The following MTF2 variants were observed in gnomAD, a reference collection of about 807,000 sequenced individuals.
The protein encoded by MTF2 is metal-response element-binding transcription factor 2.
A neutral mutation model predicts 79.5 loss-of-function variants in MTF2; 11 were observed. That is an observed-to-expected ratio of 0.14 (90% CI 0.09 to 0.23). The LOEUF is 0.23. MTF2 is among the 10% of genes least tolerant of loss of function. The probability of loss-of-function intolerance (pLI) is 1.00; values close to 1 mark genes in which losing one functional copy is unlikely to be tolerated. For missense variants in MTF2, 486 were observed against 711.2 expected, an observed-to-expected ratio of 0.68 and a Z score of 3.60; for synonymous variants, 208 against 232.8, an observed-to-expected ratio of 0.89 and a Z score of 0.97.
At chr1:93,086,333 GTC>G (rs1421164288) in intron 1 of MTF2, among the ~76,000 whole-genome samples, 2 of 151,912 alleles carry the variant, frequency 1.3e-5, no homozygotes, top group Admixed American at 1.3e-4. Flanking sequence ...GTGAAACCCT[GTC>G]TCTACTAAAA....
At position 93,120,588 on chromosome 1, in the gene MTF2, T is replaced by A. The variant is rs749352317; in HGVS notation, c.837T>A (p.Val279=). The A allele has an allele frequency of 1.2e-6, 2 of 1,607,902 alleles. No individual in the cohort carries two copies. Among genetic ancestry groups the A allele is most frequent in the Non-Finnish European group, 8.5e-7 (1 of 1,176,916 alleles). ...IAHLCLYNLS[V]IHKKKYFDSE... is the part of the protein sequence containing the mutation. ...ACCTATGCCTTTACAACCTAAGTGT[T>A]ATTCATAAGAAGAAATACTTTGATT... Residue 279 remains valine (V), a synonymous_variant, in exon 9 of 15, where the codon GTT becomes GTA. Transcript: ENST00000370298.
intron 1 of MTF2, among the ~76,000 whole-genome samples, chr1:93,088,708 G>A (rs1181035628): frequency 6.6e-6 from 1 of 152,102 alleles, no homozygotes; most frequent in Non-Finnish European, 1.5e-5. Context: ...TGGGATTACA[G>A]CTGTGTGCCA....
At chr1:93,123,831 T>A (rs1467182996) in intron 9 of MTF2, among the ~76,000 whole-genome samples, 11 of 150,322 alleles carry the variant, frequency 7.3e-5, no homozygotes, top group African/African-American at 1.5e-4. Flanking sequence ...TTTTTTTTTT[T>A]AAGAGCAGAT....
intron 1 of MTF2, among the ~76,000 whole-genome samples, chr1:93,105,024 G>C (rs890149040): frequency 6.6e-6 from 1 of 151,108 alleles, no homozygotes; most frequent in African/African-American, 2.4e-5. Flanking sequence ...GGCGCCTGTA[G>C]TCCCAGCTAC....
intron 1 of MTF2, among the ~76,000 whole-genome samples, chr1:93,089,407 C>T (rs1028241584): frequency 3.3e-5 from 5 of 152,102 alleles, no homozygotes; most frequent in African/African-American, 1.2e-4. Flanking sequence ...ATTTTTAAGT[C>T]CCTACTTTAT....
rs1320415321 is a variant in MTF2 at position 93,123,262 on chromosome 1, C to CT, written c.921+2603dup. 6.6e-3 allele frequency among the ~76,000 whole-genome samples: 455 copies of CT among 68,992 alleles called. 2 individuals carry two copies. Among genetic ancestry groups the CT allele is most frequent in the African/African-American group, 0.018 (339 of 18,372 alleles). 45.3% of individuals were successfully genotyped at this position (68,992 alleles called of 152,430 possible). On this transcript the variant is annotated intron_variant, in intron 9 of 14. Transcript: ENST00000370298. ...ACAGGACAGGAGAGTCTCTCTCTCT[C>CT]TTTTTTTTTTTTTAAGAGACCCTTG...
At chr1:93,084,059 T>G (rs1288571297) in intron 1 of MTF2, among the ~76,000 whole-genome samples, 1 of 152,162 alleles carries the variant, frequency 6.6e-6, no homozygotes, top group Non-Finnish European at 1.5e-5. Context: ...TAAAGTTCAA[T>G]TTATTCCTTT....
intron 1 of MTF2, among the ~76,000 whole-genome samples, chr1:93,081,235 G>A (rs772519752): frequency 2.6e-5 from 4 of 151,984 alleles, no homozygotes; most frequent in African/African-American, 9.7e-5. Context: ...AATCATCCCC[G>A]TTGCCTCAAA....
chr1:93,110,718 G>A (rs1655995866), intron 3 of MTF2, 92 bp downstream of exon 3: 1 of 1,024,188 alleles, frequency 9.8e-7, no homozygotes, highest in African/African-American at 1.6e-5. Flanking sequence ...TGAATACAGT[G>A]TATTTAGATA....
chr1:93,131,729 T>A (rs1051284420), intron 11 of MTF2, among the ~76,000 whole-genome samples: 4 of 152,080 alleles, frequency 2.6e-5, no homozygotes, highest in African/African-American at 9.7e-5. Flanking sequence ...CCTGTTTTTG[T>A]GTGTAAGTAG....
intron 1 of MTF2, among the ~76,000 whole-genome samples, chr1:93,109,873 T>C (rs1305482423): frequency 6.6e-6 from 1 of 152,216 alleles, no homozygotes; most frequent in Non-Finnish European, 1.5e-5. Flanking sequence ...TAATTCACTT[T>C]TATTCTTTAC....
At chr1:93,109,257 A>T (rs1005501275) in intron 1 of MTF2, among the ~76,000 whole-genome samples, 3 of 152,198 alleles carry the variant, frequency 2.0e-5, no homozygotes, top group African/African-American at 7.2e-5. Flanking sequence ...TCTGATACAT[A>T]AGTTATAATG....
chr1:93,094,039 T>G (rs1004045125), intron 1 of MTF2, among the ~76,000 whole-genome samples: 2 of 152,244 alleles, frequency 1.3e-5, no homozygotes, highest in Non-Finnish European at 2.9e-5. Context: ...TTAGTTGCCC[T>G]TTTATCTCTT....
At chr1:93,119,277 T>G in intron 7 of MTF2, 56 bp from the exon 8 acceptor site, 2 of 1,228,288 alleles carry the variant, frequency 1.6e-6, no homozygotes, top group Non-Finnish European at 2.3e-6. Flanking sequence ...GCTATAATTG[T>G]TAGTTTATCT....
At chr1:93,120,487 C>G in intron 8 of MTF2, 62 bp from the exon 9 acceptor site, 2 of 1,438,572 alleles carry the variant, frequency 1.4e-6, no homozygotes, top group Admixed American at 2.5e-5. Flanking sequence ...ATAAGGAAAC[C>G]GTGATTTTTT....
At chr1:93,082,269 C>G (rs1654637768) in intron 1 of MTF2, among the ~76,000 whole-genome samples, 1 of 141,906 alleles carries the variant, frequency 7.0e-6, no homozygotes, top group Non-Finnish European at 1.5e-5. Flanking sequence ...TTTATGTAAC[C>G]ATTCTTTTTT....
At chr1:93,135,235 G>A (rs536350940) in intron 14 of MTF2, among the ~76,000 whole-genome samples, 7 of 152,228 alleles carry the variant, frequency 4.6e-5, no homozygotes, top group Admixed American at 4.6e-4. Context: ...GCCTCCCAAA[G>A]TGCCGGGATT....
chr1:93,121,603 T>G (rs1656480889), intron 9 of MTF2: 1 of 976,486 alleles, frequency 1.0e-6, no homozygotes, highest in Non-Finnish European at 1.2e-6. Flanking sequence ...AGGGAGAACA[T>G]AATGCATGAT....
chr1:93,133,207 T>C (rs1219027801), intron 11 of MTF2, among the ~76,000 whole-genome samples: 6 of 152,124 alleles, frequency 3.9e-5, no homozygotes, highest in African/African-American at 1.4e-4. Context: ...AGAATCTACA[T>C]ATATATCTAA....
Sources: gnomAD v4.1 joint callset for allele counts (sites outside exome capture counted in the v4.1 genomes callset) on GRCh38, gnomAD v4.1.1 for gene constraint, MANE v1.5 for transcripts, NCBI Gene and HGNC (gene_info 2026-07-23, HGNC 2026-07-21) for gene names.